Variants in DLG2 observed in about 807,000 individuals in gnomAD.
The protein encoded by DLG2 is discs large MAGUK scaffold protein 2.
DLG2 carries 45 observed loss-of-function variants against 132.5 expected under a neutral mutation model. The ratio of observed to expected loss-of-function variants is 0.34; its 90% CI spans 0.27 to 0.44. The LOEUF (loss-of-function observed/expected upper bound fraction) is 0.44, where lower values mean the gene tolerates loss of function less well. Among genes scored for constraint, DLG2 ranks in the 20% least tolerant of loss-of-function variants. DLG2 has a pLI of 1.00. For synonymous variants in DLG2, 424 were observed against 419.6 expected (o/e 1.01, Z -0.13); for missense variants, 1,045 against 1,196.9 (o/e 0.87, Z 1.87).
At chr11:85,386,678 A>C (rs2086355781) in intron 3 of DLG2, among the ~76,000 whole-genome samples, 1 of 152,196 alleles carries the variant, frequency 6.6e-6, no homozygotes, top group African/African-American at 2.4e-5. Flanking sequence ...TCTCTTCATT[A>C]AATAACTATG....
chr11:84,046,997 G>T lies in DLG2; in HGVS notation c.919+12318C>A, dbSNP rs1288897144. Among the ~76,000 whole-genome samples the T allele has an allele frequency of 4.6e-5, 7 of 151,610 alleles. No individual in the cohort carries two copies. The East Asian group carries it at 9.7e-4, about 21-fold the overall frequency. On this transcript the variant is annotated intron_variant, in intron 11 of 27. Transcript: ENST00000376104. ...GCAAGTTTTAATGTATTGGATCTCAGTGTTCCATAGAAGGCGAAAAATTTA... is the reference window on the plus strand; with the variant it reads ...GCAAGTTTTAATGTATTGGATCTCATTGTTCCATAGAAGGCGAAAAATTTA...
chr11:85,157,366 T>G (rs2077663366), intron 4 of DLG2, among the ~76,000 whole-genome samples: 2 of 152,158 alleles, frequency 1.3e-5, no homozygotes, highest in South Asian at 4.1e-4. Context: ...TTAACATGAT[T>G]CGACCCAAAA....
At chr11:84,262,621 G>T (rs186110445) in intron 7 of DLG2, among the ~76,000 whole-genome samples, 1 of 151,842 alleles carries the variant, frequency 6.6e-6, no homozygotes, top group Non-Finnish European at 1.5e-5. Flanking sequence ...TTTCGTGCAC[G>T]CATCACTCGA....
intron 3 of DLG2, among the ~76,000 whole-genome samples, chr11:85,383,073 A>C (rs116032284): frequency 0.013 from 1,984 of 152,300 alleles, 44 homozygotes; most frequent in African/African-American, 0.045. Flanking sequence ...CAGTAGAAAC[A>C]AACCAAACTT....
rs200280952 is a variant in DLG2 at position 85,412,760 on chromosome 11, CATAT to C, written c.41-127399_41-127396del. Among the ~76,000 whole-genome samples, 531 of 113,180 alleles carry C rather than the reference CATAT, an allele frequency of 4.7e-3. 4 individuals carry two copies. The highest frequency in any genetic ancestry group is 0.037 in the East Asian group (138 of 3,730). The allele number at this position is 113,180 out of a possible 152,430, so 74.3% of individuals were successfully genotyped here. A position where few individuals can be genotyped will look rare whatever the true frequency, so the allele number is the denominator to read the frequency against. On this transcript the variant is annotated intron_variant, in intron 3 of 27. Transcript: ENST00000376104. The stretch of plus-strand genomic sequence containing the variant: ...ACACACACACACACACACACACACA[CATAT>C]ATATATATATATATATATATATCAC...
intron 6 of DLG2, among the ~76,000 whole-genome samples, chr11:84,916,336 G>A (rs11826720): frequency 0.078 from 7,571 of 97,000 alleles, 256 homozygotes; most frequent in Middle Eastern, 0.21. Context: ...GCGACAGAGC[G>A]AGACTCCGTC....
intron 2 of DLG2, among the ~76,000 whole-genome samples, chr11:85,620,635 C>T (rs894580604): frequency 6.6e-6 from 1 of 152,222 alleles, no homozygotes; most frequent in Non-Finnish European, 1.5e-5. Context: ...TTTTAGTGAT[C>T]TGAACAGAAG....
intron 4 of DLG2, among the ~76,000 whole-genome samples, chr11:85,208,480 T>C (rs1330003973): frequency 1.1e-4 from 17 of 152,118 alleles, no homozygotes; most frequent in Non-Finnish European, 1.9e-4. Flanking sequence ...ATGATACTCT[T>C]AGAATCATGA....
chr11:85,620,165 A>C (rs886371969), intron 2 of DLG2, among the ~76,000 whole-genome samples: 2 of 152,184 alleles, frequency 1.3e-5, no homozygotes, highest in Non-Finnish European at 2.9e-5. Context: ...TATTTGTTAC[A>C]GTGATCTGTA....
intron 3 of DLG2, among the ~76,000 whole-genome samples, chr11:85,521,746 C>A (rs2074329341): frequency 1.3e-5 from 2 of 152,196 alleles, no homozygotes; most frequent in East Asian, 3.9e-4. Flanking sequence ...TTTTTGGGAA[C>A]TAGAGAAAAG....
chr11:85,293,230 ATG>A (rs1460313557), intron 3 of DLG2, among the ~76,000 whole-genome samples: 2 of 152,084 alleles, frequency 1.3e-5, no homozygotes, highest in Non-Finnish European at 2.9e-5. Context: ...AGGACAAAGA[ATG>A]TGGCATTGTA....
chr11:83,874,412 T>C lies in DLG2; in HGVS notation c.1565+8A>G, dbSNP rs767636860. The C allele has an allele frequency of 1.9e-6, 3 of 1,586,556 alleles. No homozygotes were observed. The highest frequency in any genetic ancestry group is 2.6e-6 in the Non-Finnish European group (3 of 1,162,742). ...CACAGTTTAAGAGGTTCTGTATTAT[T>C]ATCTTACCCTTCCAGGGAGACGGCC... On this transcript the variant is annotated splice_region_variant and intron_variant, in intron 16 of 27. Coordinates refer to ENST00000376104, the MANE Select transcript of DLG2 (RefSeq NM_001142699.3).
At chr11:84,249,472 TC>T (rs1293634915) in intron 8 of DLG2, among the ~76,000 whole-genome samples, 1 of 152,216 alleles carries the variant, frequency 6.6e-6, no homozygotes, top group Non-Finnish European at 1.5e-5. Context: ...CTGGATTGAC[TC>T]TTGACTCTGC....
At chr11:84,070,360 C>G (rs1233576013) in intron 10 of DLG2, among the ~76,000 whole-genome samples, 1 of 152,154 alleles carries the variant, frequency 6.6e-6, no homozygotes, top group South Asian at 2.1e-4. Context: ...CACTCCATAG[C>G]CCATGAAATG....
At chr11:84,714,569 C>CTTTCTT (rs2060855627) in intron 6 of DLG2, among the ~76,000 whole-genome samples, 2 of 120,908 alleles carry the variant, frequency 1.7e-5, no homozygotes, top group African/African-American at 9.6e-5. Context: ...TTCTCTTTCT[C>CTTTCTT]TTTCTCTTTC....
At chr11:84,005,920 G>A (rs1403213715) in intron 11 of DLG2, among the ~76,000 whole-genome samples, 2 of 151,790 alleles carry the variant, frequency 1.3e-5, no homozygotes, top group African/African-American at 4.8e-5. Flanking sequence ...ATAGTATGGT[G>A]ATTTCTCAAG....
chr11:85,193,177 T>C (rs1203980413), intron 4 of DLG2, among the ~76,000 whole-genome samples: 2 of 152,240 alleles, frequency 1.3e-5, no homozygotes, highest in Non-Finnish European at 2.9e-5. Flanking sequence ...AATCATATAC[T>C]ATATGCACTG....
intron 6 of DLG2, among the ~76,000 whole-genome samples, chr11:84,670,793 C>T (rs1213787773): frequency 6.6e-6 from 1 of 152,038 alleles, no homozygotes; most frequent in Non-Finnish European, 1.5e-5. Context: ...CATATCGCTC[C>T]CACCCCTAAT....
At chr11:83,719,778 G>A (rs963316407) in intron 18 of DLG2, among the ~76,000 whole-genome samples, 1 of 152,102 alleles carries the variant, frequency 6.6e-6, no homozygotes, top group African/African-American at 2.4e-5. Flanking sequence ...ACTATAGCAG[G>A]AGGTGTTCCA....
Sources: gnomAD v4.1 joint callset for allele counts (sites outside exome capture counted in the v4.1 genomes callset) on GRCh38, gnomAD v4.1.1 for gene constraint, MANE v1.5 for transcripts, NCBI Gene and HGNC (gene_info 2026-07-23, HGNC 2026-07-21) for gene names.